The following XXYLT1 variants were observed in gnomAD, a reference collection of about 807,000 sequenced individuals.
XXYLT1 encodes xyloside xylosyltransferase 1.
A neutral mutation model predicts 28.9 loss-of-function variants in XXYLT1; 20 were observed. The observed-to-expected ratio is 0.69, with a 90% CI of 0.49 to 1.00. XXYLT1 has a LOEUF of 1.00. Among genes scored for constraint, XXYLT1 ranks in the 50% least tolerant of loss-of-function variants. The pLI, the probability that XXYLT1 is intolerant of heterozygous loss-of-function variation, is 0.00. For missense variants in XXYLT1, 542 were observed against 560.1 expected (o/e 0.97, Z 0.33); for synonymous variants, 257 against 253.8 (o/e 1.01, Z -0.12).
Position 195,069,873 on chromosome 3 carries a change from G to A in XXYLT1, c.1024C>T (p.Pro342Ser), listed in dbSNP as rs764040859. The A allele has an allele frequency of 5.6e-6, 9 of 1,614,138 alleles. No homozygotes were observed. Among genetic ancestry groups the A allele is most frequent in the Non-Finnish European group, 7.6e-6 (9 of 1,180,032 alleles). Residue 342 changes from proline to serine, a missense_variant, in exon 4 of 4, where the codon CCC (proline) becomes TCC (serine). Coordinates refer to ENST00000310380, the MANE Select transcript of XXYLT1 (RefSeq NM_152531.5). ...DFFTMIGMEHPKLFHVLDCTW... is the reference protein window; with the variant it reads ...DFFTMIGMEHSKLFHVLDCTW... Reference sequence around the variant, plus strand: ...CAGTCCAGCACATGGAAGAGCTTGGGGTGCTCCATGCCGATCATGGTGAAG... The same window carrying A: ...CAGTCCAGCACATGGAAGAGCTTGGAGTGCTCCATGCCGATCATGGTGAAG...
At chr3:195,088,722 T>A (rs1403757364) in intron 3 of XXYLT1, among the ~76,000 whole-genome samples, 2 of 141,096 alleles carry the variant, frequency 1.4e-5, no homozygotes, top group Non-Finnish European at 3.1e-5. Flanking sequence ...ACGATCAAAT[T>A]ACTCTGAGCT....
At chr3:195,121,104 G>C (rs1718336763) in intron 3 of XXYLT1, among the ~76,000 whole-genome samples, 1 of 152,192 alleles carries the variant, frequency 6.6e-6, no homozygotes, top group African/African-American at 2.4e-5. Context: ...CAAACACCCG[G>C]GAACCACAGC....
chr3:195,229,275 A>T (rs1724199885), intron 1 of XXYLT1, among the ~76,000 whole-genome samples: 1 of 152,102 alleles, frequency 6.6e-6, no homozygotes, highest in Non-Finnish European at 1.5e-5. Context: ...TGGATAGAGT[A>T]TGTATATATA....
rs1297728087 is a variant in XXYLT1 at position 195,173,540 on chromosome 3, G to A, written c.653-16959C>T. Among the ~76,000 whole-genome samples the A allele has an allele frequency of 6.6e-6, 1 of 152,162 alleles. No homozygotes were observed. The highest frequency in any genetic ancestry group is 6.6e-5 in the Admixed American group (1 of 15,266). ...TCTATTTTTATTCACTGAATCGTAT[G>A]CTCCTAATGACTAAAAGCATCATTT... is the stretch of plus-strand genomic sequence containing the variant. On this transcript the variant is annotated intron_variant, in intron 2 of 3. Transcript: ENST00000310380. This position sits in a 1 kb window ranked among gnomAD's most constrained non-coding sequence, Gnocchi z 4.3.
intron 3 of XXYLT1, among the ~76,000 whole-genome samples, chr3:195,098,431 T>C (rs2108673165): frequency 6.6e-6 from 1 of 152,274 alleles, no homozygotes; most frequent in Non-Finnish European, 1.5e-5. Flanking sequence ...TGCGCGCCTG[T>C]AGTCCCAGCT....
At chr3:195,147,234 G>A (rs1408797851) in intron 3 of XXYLT1, among the ~76,000 whole-genome samples, 1 of 152,106 alleles carries the variant, frequency 6.6e-6, no homozygotes, top group Non-Finnish European at 1.5e-5. Context: ...AATTCCTCAT[G>A]GGACCAATCC....
At position 195,202,282 on chromosome 3, in the gene XXYLT1, G is replaced by C. The variant is rs542315811; in HGVS notation, c.652+24427C>G. Among the ~76,000 whole-genome samples the C allele has an allele frequency of 5.9e-5, 9 of 151,686 alleles. No homozygotes were observed. In the South Asian group the frequency reaches 1.7e-3, roughly 28 times the overall value. On this transcript the variant is annotated intron_variant, in intron 2 of 3. Transcript: ENST00000310380. ...TGTTGTCAGAACAAAGAACTATAGA[G>C]ACACTGTCCCCCAGTCACACAGAAA... is the stretch of plus-strand genomic sequence containing the variant.
At chr3:195,104,762 C>A (rs1716994919) in intron 3 of XXYLT1, among the ~76,000 whole-genome samples, 1 of 152,110 alleles carries the variant, frequency 6.6e-6, no homozygotes, top group Non-Finnish European at 1.5e-5. Flanking sequence ...TACAAAGTAA[C>A]AACAACAACA....
chr3:195,195,446 G>C lies in XXYLT1; in HGVS notation c.652+31263C>G, dbSNP rs370959204. Among the ~76,000 whole-genome samples the C allele has an allele frequency of 2.4e-4, 36 of 152,304 alleles. 1 individual carries two copies. The East Asian group carries it at 4.2e-3, about 18-fold the overall frequency. ...CGCTCAGGCGCCTAAGACTGTTCCA[G>C]TCAGAAGTCCCACTGAGAAGTGGCC... On this transcript the variant is annotated intron_variant, in intron 2 of 3. Transcript: ENST00000310380. The surrounding 1 kb of genome is among the most constrained non-coding windows in gnomAD (Gnocchi z 4.4).
chr3:195,150,852 TCTCACACACACA>T lies in XXYLT1; in HGVS notation c.785+5585_785+5596del, dbSNP rs1720186977. 1.0e-4 allele frequency among the ~76,000 whole-genome samples: 9 copies of T among 89,116 alleles called. No individual in the cohort carries two copies. In the South Asian group the frequency reaches 3.7e-3, roughly 36 times the overall value. The allele number at this position is 89,116 out of a possible 152,430, so 58.5% of individuals were successfully genotyped here. On this transcript the variant is annotated intron_variant, in intron 3 of 3. Coordinates refer to ENST00000310380, the MANE Select transcript of XXYLT1 (RefSeq NM_152531.5). The surrounding 1 kb of genome is among the most constrained non-coding windows in gnomAD (Gnocchi z 4.7). The stretch of plus-strand genomic sequence containing the variant: ...CACATACGCACACTCTCTCACACAC[TCTCACACACACA>T]CACACTCTCTCCCTCTCCCTCTCCC...
At chr3:195,098,631 G>A (rs191787774) in intron 3 of XXYLT1, among the ~76,000 whole-genome samples, 3 of 152,384 alleles carry the variant, frequency 2.0e-5, no homozygotes, top group African/African-American at 7.2e-5. Flanking sequence ...CACAGTGGCA[G>A]AGGAGGTGAA....
At chr3:195,152,657 C>T (rs1720341845) in intron 3 of XXYLT1, 1 of 152,190 alleles carries the variant, frequency 6.6e-6, no homozygotes, top group Non-Finnish European at 1.5e-5. Flanking sequence ...AACTTCTCCT[C>T]CCGCACCTCC....
intron 2 of XXYLT1, among the ~76,000 whole-genome samples, chr3:195,177,934 CTT>C (rs1320351820): frequency 3.1e-5 from 3 of 97,132 alleles, no homozygotes; most frequent in African/African-American, 1.5e-4. Context: ...GGCTCTGTCT[CTT>C]AAAAAAAAAA....
intron 3 of XXYLT1, among the ~76,000 whole-genome samples, chr3:195,088,564 C>T: frequency 2.5e-5 from 3 of 118,512 alleles, no homozygotes; most frequent in Admixed American, 9.3e-5. Context: ...GATAAAACCA[C>T]AAAGATGGGG....
At position 195,176,581 on chromosome 3, in the gene XXYLT1, G is replaced by A. The variant is rs569382460; in HGVS notation, c.653-20000C>T. ...ACTGGTATAATTTGATTAATTTATC[G>A]TGTTTATTAAGCTCCCTAGCTTCTC... On this transcript the variant is annotated intron_variant, in intron 2 of 3. Coordinates refer to ENST00000310380, the MANE Select transcript of XXYLT1 (RefSeq NM_152531.5). The surrounding 1 kb of genome is among the most constrained non-coding windows in gnomAD (Gnocchi z 4.9). Among the ~76,000 whole-genome samples the A allele has an allele frequency of 2.9e-4, 44 of 152,266 alleles. No individual in the cohort carries two copies. Among genetic ancestry groups the A allele is most frequent in the South Asian group, 6.2e-4 (3 of 4,820 alleles).
At chr3:195,223,436 C>A (rs774815936) in intron 2 of XXYLT1, among the ~76,000 whole-genome samples, 1 of 152,146 alleles carries the variant, frequency 6.6e-6, no homozygotes. Context: ...AGGGTTCAGG[C>A]TCCACCCATA....
chr3:195,205,423 T>C (rs1723029759), intron 2 of XXYLT1, among the ~76,000 whole-genome samples: 1 of 152,176 alleles, frequency 6.6e-6, no homozygotes, highest in Admixed American at 6.5e-5. Flanking sequence ...TTACATACTT[T>C]AGGATTCCAT....
intron 1 of XXYLT1, among the ~76,000 whole-genome samples, chr3:195,247,336 T>C (rs1453456126): frequency 6.6e-6 from 1 of 152,164 alleles, no homozygotes. Context: ...GATTCCTCGA[T>C]TTGTCCTTTT....
chr3:195,247,871 C>T (rs954860320), intron 1 of XXYLT1: 7 of 695,670 alleles, frequency 1.0e-5, no homozygotes, highest in South Asian at 6.0e-5. Context: ...AAGGGGGAAG[C>T]GCTACACACT....
Sources: gnomAD v4.1 joint callset for allele counts (sites outside exome capture counted in the v4.1 genomes callset) on GRCh38, gnomAD v4.1.1 for gene constraint, Gnocchi (gnomAD v3.1) non-coding constraint, MANE v1.5 for transcripts, NCBI Gene and HGNC (gene_info 2026-07-23, HGNC 2026-07-21) for gene names.